Variants in MRPS28 observed in about 807,000 individuals in gnomAD.
MRPS28 encodes the protein mitochondrial ribosomal protein S28.
In MRPS28, 7 loss-of-function variants were observed where a neutral mutation model predicts 10.8. The ratio of observed to expected loss-of-function variants is 0.65; its 90% CI spans 0.37 to 1.22. The LOEUF (loss-of-function observed/expected upper bound fraction) is 1.22. Ranked by LOEUF, MRPS28 falls within the 50% of genes most tolerant of loss-of-function variation. The pLI is 0.02. For synonymous variants in MRPS28, 121 were observed against 93.3 expected (o/e 1.30, Z -1.71); for missense variants, 265 against 232.9 (o/e 1.14, Z -0.90).
chr8:80,013,836 G>A (rs969901162), intron 1 of MRPS28, among the ~76,000 whole-genome samples: 6 of 151,872 alleles, frequency 4.0e-5, no homozygotes, highest in Non-Finnish European at 7.4e-5. Context: ...TGTTACGCTC[G>A]CAACAGAGTT....
At chr8:80,021,140 C>T (rs113032533) in intron 1 of MRPS28, among the ~76,000 whole-genome samples, 6,520 of 151,850 alleles carry the variant, frequency 0.043, 384 homozygotes, top group African/African-American at 0.13. Context: ...GTAGCTGGGA[C>T]TACAGGCATG....
At chr8:80,006,041 C>CTT (rs1045528948) in intron 1 of MRPS28, among the ~76,000 whole-genome samples, 11 of 152,164 alleles carry the variant, frequency 7.2e-5, no homozygotes. Flanking sequence ...TAATGGGAGA[C>CTT]TTTAACACCC....
chr8:80,003,226 G>A, intron 1 of MRPS28, 46 bp from the exon 2 acceptor site: 1 of 1,296,126 alleles, frequency 7.7e-7, no homozygotes, highest in Non-Finnish European at 1.0e-6. Context: ...TCAACATGAA[G>A]GTATAATAAA....
At chr8:80,005,647 A>C (rs943510222) in intron 1 of MRPS28, among the ~76,000 whole-genome samples, 2 of 152,200 alleles carry the variant, frequency 1.3e-5, no homozygotes, top group Non-Finnish European at 2.9e-5. Flanking sequence ...CTAACCTTAA[A>C]TGTAAATGGG....
intron 2 of MRPS28, among the ~76,000 whole-genome samples, chr8:79,981,050 C>A (rs1031744014): frequency 6.6e-6 from 1 of 152,118 alleles, no homozygotes; most frequent in African/African-American, 2.4e-5. Flanking sequence ...CATGCTGGGT[C>A]GGGCGCAGTG....
intron 1 of MRPS28, among the ~76,000 whole-genome samples, chr8:80,007,150 A>C (rs1808874126): frequency 6.6e-6 from 1 of 152,220 alleles, no homozygotes; most frequent in African/African-American, 2.4e-5. Context: ...CCAGCACATA[A>C]ACAGAACCAA....
chr8:79,960,757 T>G (rs930511801), intron 2 of MRPS28, among the ~76,000 whole-genome samples: 6 of 152,182 alleles, frequency 3.9e-5, no homozygotes. Context: ...TAGATCACAA[T>G]GTCTGTTGTG....
At chr8:79,989,965 G>T (rs985302910) in intron 2 of MRPS28, among the ~76,000 whole-genome samples, 5 of 152,042 alleles carry the variant, frequency 3.3e-5, no homozygotes, top group African/African-American at 1.2e-4. Flanking sequence ...ACTAGCCTGG[G>T]CAACATGGTA....
Position 80,006,887 on chromosome 8 carries a change from T to C in MRPS28, c.214-3707A>G, listed in dbSNP as rs1431148641. Among the ~76,000 whole-genome samples the C allele has an allele frequency of 3.9e-5, 6 of 152,068 alleles. No individual in the cohort carries two copies. In the South Asian group the frequency reaches 6.2e-4, roughly 16 times the overall value. On this transcript the variant is annotated intron_variant, in intron 1 of 2. Coordinates refer to ENST00000276585, the MANE Select transcript of MRPS28 (RefSeq NM_014018.3). ...TTCCTTCTGAAACTATTTCAATCAA[T>C]AGAAAAAGAGGGAACCCTCCCTAAC... is the stretch of plus-strand genomic sequence containing the variant.
intron 2 of MRPS28, among the ~76,000 whole-genome samples, chr8:79,975,721 A>C (rs1188023862): frequency 6.6e-6 from 1 of 152,176 alleles, no homozygotes; most frequent in Admixed American, 6.5e-5. Flanking sequence ...TGAAAAAAAA[A>C]CACCTAGTGT....
chr8:79,974,202 A>G (rs1807720049), intron 2 of MRPS28, among the ~76,000 whole-genome samples: 1 of 152,180 alleles, frequency 6.6e-6, no homozygotes, highest in South Asian at 2.1e-4. Flanking sequence ...AGAACAGTTT[A>G]TATCATAACT....
intron 2 of MRPS28, chr8:79,957,314 C>T (rs1316644143): frequency 6.6e-6 from 1 of 151,978 alleles, no homozygotes; most frequent in Non-Finnish European, 1.5e-5. Context: ...TAGCATGCTG[C>T]CACATTTTTT....
chr8:80,003,323 T>G (rs1354517278), intron 1 of MRPS28, 143 bp from the exon 2 acceptor site: 1 of 600,664 alleles, frequency 1.7e-6, no homozygotes. Flanking sequence ...CCAGTTATGC[T>G]CTTCAACTTC....
chr8:80,012,462 A>C (rs1809076489), intron 1 of MRPS28, among the ~76,000 whole-genome samples: 1 of 152,304 alleles, frequency 6.6e-6, no homozygotes, highest in East Asian at 1.9e-4. Context: ...CCTGTTTATA[A>C]AGTCTCTAAA....
intron 2 of MRPS28, among the ~76,000 whole-genome samples, chr8:79,980,823 C>A (rs1036808161): frequency 4.6e-5 from 7 of 152,110 alleles, no homozygotes; most frequent in Admixed American, 4.6e-4. Context: ...ACTTAAGATT[C>A]CTTTGGAGGG....
chr8:79,968,385 A>G (rs1157542307), intron 2 of MRPS28, among the ~76,000 whole-genome samples: 1 of 152,110 alleles, frequency 6.6e-6, no homozygotes, highest in African/African-American at 2.4e-5. Flanking sequence ...AGATTTTCTC[A>G]ATCAGAATCT....
chr8:79,964,779 T>G (rs555678614), intron 2 of MRPS28, among the ~76,000 whole-genome samples: 50 of 152,192 alleles, frequency 3.3e-4, no homozygotes, highest in African/African-American at 1.1e-3. Context: ...GAGCATTCAA[T>G]AAATGTTACC....
intron 2 of MRPS28, among the ~76,000 whole-genome samples, chr8:79,995,032 T>C (rs574147055): frequency 2.0e-5 from 3 of 152,298 alleles, no homozygotes; most frequent in Non-Finnish European, 4.4e-5. Flanking sequence ...CACAAGCAGA[T>C]TGAACCATCG....
At chr8:80,023,140 A>T (rs1317292053) in intron 1 of MRPS28, among the ~76,000 whole-genome samples, 1 of 152,234 alleles carries the variant, frequency 6.6e-6, no homozygotes, top group East Asian at 1.9e-4. Context: ...CAACATTTCA[A>T]AAGATTTTTA....
Sources: gnomAD v4.1 joint callset for allele counts (sites outside exome capture counted in the v4.1 genomes callset) on GRCh38, gnomAD v4.1.1 for gene constraint, MANE v1.5 for transcripts, NCBI Gene and HGNC (gene_info 2026-07-23, HGNC 2026-07-21) for gene names.